The following ATM variants were observed in gnomAD, a reference collection of about 807,000 sequenced individuals.
ATM encodes the protein serine-protein kinase ATM.
In ATM, 308 loss-of-function variants were observed where a neutral mutation model predicts 387.0. The ratio of observed to expected loss-of-function variants is 0.80; its 90% CI spans 0.73 to 0.87. The LOEUF (loss-of-function observed/expected upper bound fraction) is 0.87. Among genes scored for constraint, ATM ranks in the 40% least tolerant of loss-of-function variants. The pLI, the probability that ATM is intolerant of heterozygous loss-of-function variation, is 0.00. For synonymous variants in ATM, 1,156 were observed against 1,187.3 expected (o/e 0.97, Z 0.54); for missense variants, 3,312 against 3,560.9 (o/e 0.93, Z 1.78).
intron 45 of ATM, 84 bp downstream of exon 45, chr11:108,321,504 C>T (rs552841703): frequency 4.5e-5 from 71 of 1,585,834 alleles, no homozygotes; most frequent in East Asian, 6.8e-5. Flanking sequence ...AACTATAGGC[C>T]GGGCACGGTG....
intron 58 of ATM, among the ~76,000 whole-genome samples, chr11:108,346,910 A>C (rs1294930961): frequency 6.6e-6 from 1 of 152,186 alleles, no homozygotes; most frequent in African/African-American, 2.4e-5. Flanking sequence ...TAGACTTCTC[A>C]TTTTATAAGT....
intron 43 of ATM, among the ~76,000 whole-genome samples, chr11:108,319,292 T>C (rs2085014472): frequency 6.6e-6 from 1 of 152,226 alleles, no homozygotes; most frequent in Non-Finnish European, 1.5e-5. Flanking sequence ...TGATTCTTGC[T>C]TGCCTCTGTA....
intron 47 of ATM, 67 bp downstream of exon 47, chr11:108,326,292 A>T: frequency 6.4e-7 from 1 of 1,550,708 alleles, no homozygotes; most frequent in South Asian, 1.2e-5. Flanking sequence ...TGTACTTTAA[A>T]ATATTTTTAA....
At chr11:108,337,901 T>G (rs2087029971) in intron 56 of ATM, among the ~76,000 whole-genome samples, 1 of 152,234 alleles carries the variant, frequency 6.6e-6, no homozygotes, top group African/African-American at 2.4e-5. Context: ...GATACACAAT[T>G]GAACCTCCAA....
intron 38 of ATM, among the ~76,000 whole-genome samples, chr11:108,308,360 T>C (rs190665320): frequency 6.6e-6 from 1 of 152,308 alleles, no homozygotes; most frequent in East Asian, 1.9e-4. Context: ...AATAGAGTTG[T>C]GTAAATGTCT....
At chr11:108,348,430 TAAGA>T (rs986139764) in intron 59 of ATM, among the ~76,000 whole-genome samples, 13 of 150,838 alleles carry the variant, frequency 8.6e-5, no homozygotes, top group African/African-American at 1.5e-4. Flanking sequence ...GTTTAATATA[TAAGA>T]AAGAAAGAAT....
At chr11:108,267,521 T>G (rs543858290) in intron 17 of ATM, among the ~76,000 whole-genome samples, 179 bp downstream of exon 17, 1 of 152,202 alleles carries the variant, frequency 6.6e-6, no homozygotes, top group East Asian at 1.9e-4. Context: ...TTTATTAGTT[T>G]CATATTTTAT....
At chr11:108,293,285 T>C (rs781486154) in intron 30 of ATM, 28 bp from the exon 31 acceptor site, 7 of 1,337,756 alleles carry the variant, frequency 5.2e-6, no homozygotes, top group Non-Finnish European at 7.1e-6. Flanking sequence ...TCTCTCCTTA[T>C]AATTTTTTCT....
chr11:108,264,335 A>G (rs575324953), intron 16 of ATM, among the ~76,000 whole-genome samples: 25 of 152,220 alleles, frequency 1.6e-4, no homozygotes, highest in Non-Finnish European at 3.1e-4. Flanking sequence ...ATGTACACAA[A>G]TCAATAAATG....
At chr11:108,302,273 C>CTT (rs1448645990) in intron 35 of ATM, among the ~76,000 whole-genome samples, 1 of 152,104 alleles carries the variant, frequency 6.6e-6, no homozygotes, top group Non-Finnish European at 1.5e-5. Flanking sequence ...TTTAAGAACA[C>CTT]TTGTTCCTTC....
chr11:108,238,954 A>G (rs898107291), intron 5 of ATM, among the ~76,000 whole-genome samples: 2 of 152,108 alleles, frequency 1.3e-5, no homozygotes, highest in African/African-American at 4.8e-5. Context: ...ACAATGATTT[A>G]CCATTTTCCC....
At chr11:108,262,134 G>A (rs916670898) in intron 16 of ATM, among the ~76,000 whole-genome samples, 1 of 152,018 alleles carries the variant, frequency 6.6e-6, no homozygotes, top group Admixed American at 6.5e-5. Context: ...TACAGAGAAT[G>A]CCACAAAGAT....
At position 108,326,225 on chromosome 11, in the gene ATM, GGTTT is replaced by G. The variant is rs1565521135; in HGVS notation, c.6975+5_6975+8del. On this transcript the variant is annotated splice_donor_variant and splice_donor_region_variant and intron_variant, in intron 47 of 62. Transcript: ENST00000675843. LOFTEE classifies it high-confidence loss of function. Reference sequence around the variant, plus strand: ...AGAAGTTGGATGCCAGCTGTGCAGCGGTTTGTTTTTTTTATTGGCTGGATTAGTG... The same window carrying G: ...AGAAGTTGGATGCCAGCTGTGCAGCGGTTTTTTTTATTGGCTGGATTAGTG... The G allele has an allele frequency of 1.9e-6, 3 of 1,613,700 alleles. No homozygotes were observed. The highest frequency in any genetic ancestry group is 2.5e-6 in the Non-Finnish European group (3 of 1,179,930).
At chr11:108,262,163 C>T (rs1435862958) in intron 16 of ATM, among the ~76,000 whole-genome samples, 3 of 152,244 alleles carry the variant, frequency 2.0e-5, no homozygotes, top group Admixed American at 2.0e-4. Flanking sequence ...AGAAGAGCAA[C>T]TCCAAGACAC....
Position 108,229,421 on chromosome 11 carries a change from A to G in ATM, c.331+98A>G, listed in dbSNP as rs1008501705. The G allele has an allele frequency of 1.0e-5, 12 of 1,183,352 alleles. No homozygotes were observed. In the African/African-American group the frequency reaches 1.2e-4, roughly 12 times the overall value. The allele number at this position is 1,183,352 out of a possible 1,614,324, so 73.3% of individuals were successfully genotyped here. A position where few individuals can be genotyped will look rare whatever the true frequency, so the allele number is the denominator to read the frequency against. ...ATCATTTTAAGGACTTAACTGTTGC[A>G]TAAGTTTGTTCTAAATAGAATAAGA... On this transcript the variant is annotated intron_variant, in intron 4 of 62. Transcript: ENST00000675843.
At chr11:108,310,831 C>T (rs372463254) in intron 39 of ATM, among the ~76,000 whole-genome samples, 49 of 152,152 alleles carry the variant, frequency 3.2e-4, no homozygotes, top group Non-Finnish European at 6.3e-4. Flanking sequence ...GAATTTAATT[C>T]GCTTTCCTCT....
chr11:108,266,644 T>C (rs1295940110), intron 16 of ATM, among the ~76,000 whole-genome samples: 1 of 151,398 alleles, frequency 6.6e-6, no homozygotes, highest in Admixed American at 6.6e-5. Flanking sequence ...ATAAAAAAAA[T>C]AATAATTTTT....
rs2080164132 is a variant in ATM, at chr11:108,251,850, T to C, written c.1621T>C (p.Cys541Arg). Residue 541 changes from cysteine (C) to arginine (R), a missense_variant, in exon 11 of 63, where the codon TGT becomes CGT. Around this residue, in one of 4 missense-constraint regions of ATM, gnomAD observed 1,791 missense variants for 1,804.5 expected, o/e 0.99. Coordinates refer to ENST00000675843, the MANE Select transcript of ATM (RefSeq NM_000051.4). ...ACRPSCPAVC[C>R]LTLALTTSIV... Reference sequence around the variant, plus strand: ...GTTTTGTTATAGTCCTGCAGTATGCTGTTTGACTTTGGCACTGACCACCAG... The same window carrying C: ...GTTTTGTTATAGTCCTGCAGTATGCCGTTTGACTTTGGCACTGACCACCAG... 1 of 1,613,856 alleles carries C rather than the reference T, an allele frequency of 6.2e-7. No individual in the cohort carries two copies. The highest frequency in any genetic ancestry group is 8.5e-7 in the Non-Finnish European group (1 of 1,179,810).
intron 57 of ATM, among the ~76,000 whole-genome samples, chr11:108,345,298 A>G (rs1269160672): frequency 2.0e-5 from 3 of 152,210 alleles, no homozygotes; most frequent in Non-Finnish European, 2.9e-5. Flanking sequence ...TGCTTCAGGT[A>G]GTATTTTATG....
Sources: allele counts gnomAD v4.1 joint callset (sites outside exome capture counted in the v4.1 genomes callset), GRCh38; gene constraint gnomAD v4.1.1; regional missense constraint gnomAD v4.1.1; transcripts MANE v1.5; gene names NCBI Gene and HGNC (gene_info 2026-07-23, HGNC 2026-07-21).